Variants in CCDC141 observed in about 807,000 individuals in gnomAD.
CCDC141 encodes the protein coiled-coil domain containing 141.
A neutral mutation model predicts 181.0 loss-of-function variants in CCDC141; 168 were observed. The ratio of observed to expected loss-of-function variants is 0.93; its 90% CI spans 0.82 to 1.05. The LOEUF (loss-of-function observed/expected upper bound fraction) is 1.05, where lower values mean the gene tolerates loss of function less well. Ranked by LOEUF, CCDC141 falls within the 50% of genes least tolerant of loss-of-function variation. CCDC141 has a pLI of 0.00. For missense variants in CCDC141, 1,902 were observed against 1,788.5 expected (o/e 1.06, Z -1.14); for synonymous variants, 666 against 642.3 (o/e 1.04, Z -0.56).
In CCDC141 at chr2:178,978,578, G is replaced by A; in HGVS notation, c.323C>T (p.Thr108Ile). ...CAGAGCTGCCCATGCTTCACCCAGA[G>A]TCTCGGCCATGGCATCATAGACCTG... ...QSQVYDAMAE[T>I]LGEAWAALVS... is the part of the protein sequence containing the mutation. Residue 108 changes from threonine (T) to isoleucine (I), a missense_variant, in exon 3 of 24, where the codon ACT becomes ATT. Thr to Ile is a moderately conservative substitution (Grantham distance 89). Coordinates refer to ENST00000443758, the MANE Select transcript of CCDC141 (RefSeq NM_173648.4). 1 of 1,550,010 alleles carries A rather than the reference G, an allele frequency of 6.5e-7. No homozygotes were observed. The highest frequency in any genetic ancestry group is 8.7e-7 in the Non-Finnish European group (1 of 1,146,732).
chr2:179,025,481 T>C (rs188853887), intron 2 of CCDC141, among the ~76,000 whole-genome samples: 355 of 152,298 alleles, frequency 2.3e-3, no homozygotes, highest in Middle Eastern at 0.02. Context: ...CTGCCATCCA[T>C]GTAAGACATG....
chr2:178,866,006 T>C (rs976533358), intron 16 of CCDC141, 90 bp from the exon 17 acceptor site: 3 of 1,044,988 alleles, frequency 2.9e-6, no homozygotes, highest in Non-Finnish European at 3.8e-6. Flanking sequence ...AACTCATAAA[T>C]GACACTTTTT....
rs898220312 is a variant in CCDC141, at chr2:178,886,859, T to C, written c.1420A>G (p.Ile474Val). 1.9e-5 allele frequency: 27 copies of C among 1,427,950 alleles called. No individual in the cohort carries two copies. In the African/African-American group the frequency reaches 3.9e-4, roughly 20 times the overall value. 88.5% of individuals were successfully genotyped at this position (1,427,950 alleles called of 1,614,324 possible). ...EGYLRKVEMS[I>V]QKISPVLSNA... ...GAAAGTACTGGACTGATTTTCTGAA[T>C]TGACATTTCCACCTTTAGGAGTGAA... The change falls in exon 10 of 24, where the codon ATT (isoleucine) becomes GTT (valine). Residue 474 changes from isoleucine to valine, a missense_variant. Coordinates refer to ENST00000443758, the MANE Select transcript of CCDC141 (RefSeq NM_173648.4).
downstream of CCDC141, among the ~76,000 whole-genome samples, chr2:178,826,361 A>C (rs1320404560): frequency 6.6e-6 from 1 of 152,250 alleles, no homozygotes; most frequent in East Asian, 1.9e-4. Flanking sequence ...AATTATATTC[A>C]TGAGAGATAT....
chr2:178,993,967 C>T (rs916892153), intron 2 of CCDC141, among the ~76,000 whole-genome samples: 1 of 152,154 alleles, frequency 6.6e-6, no homozygotes, highest in African/African-American at 2.4e-5. Flanking sequence ...GGTGAGTTCC[C>T]ATGGACTTAG....
chr2:178,984,426 G>A (rs1191662780), intron 2 of CCDC141, among the ~76,000 whole-genome samples: 1 of 150,784 alleles, frequency 6.6e-6, no homozygotes, highest in Non-Finnish European at 1.5e-5. Context: ...AAAATCACCA[G>A]CTAACATCAT....
intron 2 of CCDC141, among the ~76,000 whole-genome samples, chr2:179,005,701 C>T (rs2042105356): frequency 6.6e-6 from 1 of 152,112 alleles, no homozygotes; most frequent in South Asian, 2.1e-4. Context: ...GTGGTGCGAT[C>T]TCAGCTCACT....
At chr2:178,879,816 GGA>G (rs1686515362) in intron 11 of CCDC141, among the ~76,000 whole-genome samples, 1 of 152,168 alleles carries the variant, frequency 6.6e-6, no homozygotes, top group Non-Finnish European at 1.5e-5. Flanking sequence ...CAGATGGGAG[GGA>G]TAACTTGTGT....
chr2:178,936,377 G>C (rs1237567106), intron 6 of CCDC141, among the ~76,000 whole-genome samples: 1 of 151,900 alleles, frequency 6.6e-6, no homozygotes, highest in Non-Finnish European at 1.5e-5. Context: ...ACTTGTTTTT[G>C]TCAGCTTTTT....
chr2:178,862,915 T>C (rs998975112), intron 17 of CCDC141, among the ~76,000 whole-genome samples: 6 of 152,118 alleles, frequency 3.9e-5, no homozygotes, highest in Admixed American at 3.3e-4. Flanking sequence ...TACAGCACAG[T>C]CAAGAAAGAA....
intron 6 of CCDC141, among the ~76,000 whole-genome samples, chr2:178,923,178 C>T (rs1376315911): frequency 6.8e-6 from 1 of 147,622 alleles, no homozygotes; most frequent in Non-Finnish European, 1.5e-5. Flanking sequence ...GATCTCGGCT[C>T]ACTGCAAGCT....
At chr2:178,919,480 G>C (rs914340456) in intron 6 of CCDC141, among the ~76,000 whole-genome samples, 5 of 152,190 alleles carry the variant, frequency 3.3e-5, no homozygotes, top group Non-Finnish European at 7.3e-5. Context: ...AGGAAGTTGG[G>C]ATGAGTGACT....
chr2:178,972,556 G>A (rs1304531431), intron 4 of CCDC141, among the ~76,000 whole-genome samples: 4 of 152,146 alleles, frequency 2.6e-5, no homozygotes, highest in African/African-American at 4.8e-5. Context: ...AAATGGCCAC[G>A]TACTCCCCTG....
chr2:178,905,270 C>T, intron 8 of CCDC141, 59 bp downstream of exon 8: 1 of 1,398,842 alleles, frequency 7.1e-7, no homozygotes, highest in Non-Finnish European at 9.6e-7. Context: ...TTATTTTTAG[C>T]ACGTTGTGGA....
At chr2:178,908,357 G>A (rs1688074242) in intron 7 of CCDC141, among the ~76,000 whole-genome samples, 1 of 152,062 alleles carries the variant, frequency 6.6e-6, no homozygotes, top group Non-Finnish European at 1.5e-5. Context: ...ACCACACCCA[G>A]CTAATTTTTG....
intron 2 of CCDC141, among the ~76,000 whole-genome samples, chr2:178,986,866 C>G (rs1691772179): frequency 6.6e-6 from 1 of 151,396 alleles, no homozygotes; most frequent in South Asian, 2.1e-4. Context: ...TAGGAAGAAT[C>G]AATATCGTGA....
At chr2:178,944,359 G>A (rs1304129006) in intron 6 of CCDC141, among the ~76,000 whole-genome samples, 176 bp downstream of exon 6, 7 of 152,104 alleles carry the variant, frequency 4.6e-5, no homozygotes, top group African/African-American at 1.7e-4. Context: ...TCATTATTCT[G>A]GAAGCCCTGT....
intron 2 of CCDC141, among the ~76,000 whole-genome samples, chr2:179,030,172 T>G (rs1299819617): frequency 6.6e-6 from 1 of 152,066 alleles, no homozygotes; most frequent in Non-Finnish European, 1.5e-5. Flanking sequence ...CAAATGAAAA[T>G]TAGTCATATG....
chr2:178,964,993 C>T (rs1022214851), intron 4 of CCDC141, among the ~76,000 whole-genome samples: 35 of 151,858 alleles, frequency 2.3e-4, no homozygotes, highest in Non-Finnish European at 5.9e-5. Context: ...ATATTAATAC[C>T]TCTATAGTTT....
Sources: allele counts gnomAD v4.1 joint callset (sites outside exome capture counted in the v4.1 genomes callset), GRCh38; gene constraint gnomAD v4.1.1; transcripts MANE v1.5; gene names NCBI Gene and HGNC (gene_info 2026-07-23, HGNC 2026-07-21).